DDX60L: variants seen among roughly 807,000 people sequenced by gnomAD.
DDX60L encodes the protein probable ATP-dependent RNA helicase DDX60-like.
A neutral mutation model predicts 211.6 loss-of-function variants in DDX60L; 191 were observed. The ratio of observed to expected loss-of-function variants is 0.90; its 90% confidence interval spans 0.80 to 1.02. The LOEUF (loss-of-function observed/expected upper bound fraction) is 1.02. DDX60L is among the 50% of genes least tolerant of loss of function. DDX60L has a pLI of 0.00. For synonymous variants in DDX60L, 706 were observed against 694.1 expected (o/e 1.02, Z -0.27); for missense variants, 2,007 against 1,984.1 (o/e 1.01, Z -0.22).
At chr4:168,426,160 A>G (rs1751413683) in intron 14 of DDX60L, among the ~76,000 whole-genome samples, 1 of 152,130 alleles carries the variant, frequency 6.6e-6, no homozygotes, top group African/African-American at 2.4e-5. Flanking sequence ...GCTCTCAAGG[A>G]ATTCTGGTAA....
chr4:168,428,091 G>C (rs1218028012), intron 13 of DDX60L, among the ~76,000 whole-genome samples: 1 of 152,198 alleles, frequency 6.6e-6, no homozygotes, highest in African/African-American at 2.4e-5. Context: ...CTTGCACAAA[G>C]GCTGCAGAAG....
chr4:168,369,936 A>C (rs1190459734), intron 36 of DDX60L, among the ~76,000 whole-genome samples: 1 of 152,172 alleles, frequency 6.6e-6, no homozygotes, highest in African/African-American at 2.4e-5. Context: ...GTTGGTGTGA[A>C]TGTGACGGAA....
chr4:168,414,962 A>G (rs1749294837), intron 22 of DDX60L, among the ~76,000 whole-genome samples: 2 of 151,486 alleles, frequency 1.3e-5, no homozygotes, highest in Admixed American at 1.3e-4. Context: ...GAGGGATTAT[A>G]GCTAACAGTA....
chr4:168,397,631 C>T (rs1746034361), intron 26 of DDX60L, among the ~76,000 whole-genome samples: 1 of 152,218 alleles, frequency 6.6e-6, no homozygotes, highest in Non-Finnish European at 1.5e-5. Context: ...ATGTGAGTGC[C>T]TACCCATTAA....
At chr4:168,410,548 G>A (rs555390765) in intron 22 of DDX60L, among the ~76,000 whole-genome samples, 1 of 152,238 alleles carries the variant, frequency 6.6e-6, no homozygotes, top group Non-Finnish European at 1.5e-5. Context: ...GAAGATAAAT[G>A]GAACAGCATA....
chr4:168,440,478 T>C (rs1753669783), intron 10 of DDX60L, among the ~76,000 whole-genome samples: 2 of 151,692 alleles, frequency 1.3e-5, no homozygotes, highest in Admixed American at 1.3e-4. Context: ...CCTAAGTCCT[T>C]AACAGAGCCA....
At chr4:168,377,245 T>C (rs185426747) in intron 33 of DDX60L, among the ~76,000 whole-genome samples, 164 of 152,032 alleles carry the variant, frequency 1.1e-3, no homozygotes, top group Non-Finnish European at 1.7e-3. Context: ...TGAGCTGAGA[T>C]TGCGCCACTG....
chr4:168,389,397 T>G (rs1347876567), intron 29 of DDX60L, among the ~76,000 whole-genome samples: 1 of 152,182 alleles, frequency 6.6e-6, no homozygotes, highest in East Asian at 1.9e-4. Flanking sequence ...GGAAAGCGTA[T>G]TATTTGCTTT....
In DDX60L at chr4:168,453,178, A is replaced by G. The variant is rs2150062451; in HGVS notation, c.942T>C (p.Cys314=). Reference sequence around the variant, plus strand: ...TCCAAGAGCATGTGATGACTCGAGAACAAGCTCTCTGAGAAAGGGGTAAGT... The same window carrying G: ...TCCAAGAGCATGTGATGACTCGAGAGCAAGCTCTCTGAGAAAGGGGTAAGT... ...QLHLPLSQRA[C]SRVITCSWIR... The change falls in exon 8 of 38, where the codon TGT becomes TGC. Residue 314 remains cysteine, a synonymous_variant. Transcript: ENST00000682922. 6.2e-7 allele frequency: 1 copy of G among 1,613,464 alleles called. No individual in the cohort carries two copies. The highest frequency in any genetic ancestry group is 1.7e-4 in the Middle Eastern group (1 of 6,060).
intron 36 of DDX60L, among the ~76,000 whole-genome samples, chr4:168,363,767 T>C (rs1739481179): frequency 2.0e-5 from 3 of 151,562 alleles, no homozygotes; most frequent in African/African-American, 7.3e-5. Context: ...ACCACAGACA[T>C]AAACAACAAG....
chr4:168,449,650 T>G (rs952295647), intron 8 of DDX60L, among the ~76,000 whole-genome samples: 6 of 6,922 alleles, frequency 8.7e-4, no homozygotes, highest in South Asian at 3.7e-3. Context: ...AAAAAAAAAA[T>G]GCAAAAAAAA....
chr4:168,423,139 T>C (rs1388840175), intron 15 of DDX60L, among the ~76,000 whole-genome samples: 1 of 152,118 alleles, frequency 6.6e-6, no homozygotes, highest in Non-Finnish European at 1.5e-5. Flanking sequence ...TTTTAAATAG[T>C]GTAATATTTA....
In DDX60L at chr4:168,447,745, GA is replaced by G. The variant is rs1755041605; in HGVS notation, c.1138+892del. Among the ~76,000 whole-genome samples the G allele has an allele frequency of 2.0e-5, 3 of 151,752 alleles. No homozygotes were observed. The South Asian group carries it at 6.3e-4, about 32-fold the overall frequency. On this transcript the variant is annotated intron_variant, in intron 9 of 37. Transcript: ENST00000682922. ...CTTTGTAGGGACATGGATGAAATTG[GA>G]AATCATCATTCTCAGTAAACTATCG...
At chr4:168,443,395 G>A (rs1459605423) in intron 9 of DDX60L, among the ~76,000 whole-genome samples, 33 of 152,026 alleles carry the variant, frequency 2.2e-4, no homozygotes, top group South Asian at 1.2e-3. Context: ...CCAAATCTAC[G>A]TCTGATTGGT....
chr4:168,450,337 T>C (rs1436043103), intron 8 of DDX60L, among the ~76,000 whole-genome samples: 3 of 152,092 alleles, frequency 2.0e-5, no homozygotes, highest in African/African-American at 4.8e-5. Flanking sequence ...CGCCCTATGA[T>C]TTCATCTCTG....
rs77489054 is a variant in DDX60L at position 168,411,874 on chromosome 4, C to T, written c.2979+3534G>A. Among the ~76,000 whole-genome samples the T allele has an allele frequency of 3.7e-3, 562 of 151,964 alleles. 4 individuals carry two copies. The highest frequency in any genetic ancestry group is 0.012 in the African/African-American group (516 of 41,440). On this transcript the variant is annotated intron_variant, in intron 22 of 37. Transcript: ENST00000682922. ...CTGAGAGGAGAGGGAAGAGTAAAGACGACTTTGTCTTCAAACTTGGACACC... is the reference window on the plus strand; with the variant it reads ...CTGAGAGGAGAGGGAAGAGTAAAGATGACTTTGTCTTCAAACTTGGACACC...
intron 12 of DDX60L, among the ~76,000 whole-genome samples, chr4:168,431,000 T>C (rs780050632): frequency 2.6e-5 from 4 of 152,202 alleles, no homozygotes; most frequent in Admixed American, 1.3e-4. Flanking sequence ...TCTAAATGAT[T>C]ATATGAGTAC....
At chr4:168,479,122 T>TGATG (rs35832532) in intron 1 of DDX60L, among the ~76,000 whole-genome samples, 5,397 of 141,864 alleles carry the variant, frequency 0.038, 125 homozygotes, top group African/African-American at 0.064. Flanking sequence ...GATGGCTGGA[T>TGATG]GATGGATGGA....
At position 168,467,002 on chromosome 4, in the gene DDX60L, GTTC is replaced by G. The variant is rs1327604169; in HGVS notation, c.264+4742_264+4744del. Among the ~76,000 whole-genome samples the G allele has an allele frequency of 3.9e-5, 6 of 152,250 alleles. No individual in the cohort carries two copies. In the East Asian group the frequency reaches 1.2e-3, roughly 29 times the overall value. On this transcript the variant is annotated intron_variant, in intron 4 of 37. Transcript: ENST00000682922. Reference sequence around the variant, plus strand: ...TTAGAATACGTGTTGCTTTTGCAGTGTTCTTCTTTTCCTTAAGACAGGAATCAA... The same window carrying G: ...TTAGAATACGTGTTGCTTTTGCAGTGTTCTTTTCCTTAAGACAGGAATCAA...
Sources: allele counts gnomAD v4.1 joint callset (sites outside exome capture counted in the v4.1 genomes callset), GRCh38; gene constraint gnomAD v4.1.1; transcripts MANE v1.5; gene names NCBI Gene and HGNC (gene_info 2026-07-23, HGNC 2026-07-21).